The following GNAL variants were observed in gnomAD, a reference collection of about 807,000 sequenced individuals.
GNAL encodes the protein guanine nucleotide-binding protein G(olf) subunit alpha.
GNAL carries 18 observed loss-of-function variants against 55.1 expected under a neutral mutation model. That is an observed-to-expected ratio of 0.33 (90% CI 0.23 to 0.48). GNAL has a LOEUF of 0.48. GNAL is among the 20% of genes least tolerant of loss of function. GNAL has a pLI of 0.99. For synonymous variants in GNAL, 253 were observed against 237.0 expected, an observed-to-expected ratio of 1.07 and a Z score of -0.62; for missense variants, 412 against 614.1, an observed-to-expected ratio of 0.67 and a Z score of 3.48.
At chr18:11,730,151 A>G (rs1598415848) in intron 1 of GNAL, among the ~76,000 whole-genome samples, 1 of 147,450 alleles carries the variant, frequency 6.8e-6, no homozygotes. Context: ...CTCCTGCCTC[A>G]GCCTCCCACT....
At chr18:11,867,989 A>T (rs1235390629) in intron 8 of GNAL, among the ~76,000 whole-genome samples, 11 of 149,634 alleles carry the variant, frequency 7.4e-5, no homozygotes, top group Non-Finnish European at 1.6e-4. Flanking sequence ...GCCGGGTGTT[A>T]TGGCGCACAC....
intron 5 of GNAL, among the ~76,000 whole-genome samples, chr18:11,840,127 A>T (rs1238603076): frequency 2.0e-5 from 3 of 152,338 alleles, no homozygotes; most frequent in Non-Finnish European, 4.4e-5. Context: ...TGACTTAAGG[A>T]ACTCTCCACA....
intron 4 of GNAL, among the ~76,000 whole-genome samples, chr18:11,821,597 G>A (rs573205688): frequency 1.3e-5 from 2 of 152,182 alleles, no homozygotes; most frequent in Admixed American, 6.5e-5. Flanking sequence ...AAATGAGAAA[G>A]GGTATTGCGA....
Position 11,781,387 on chromosome 18 carries a change from A to G in GNAL, c.624+27442A>G, listed in dbSNP as rs2033920899. Among the ~76,000 whole-genome samples, 3 of 152,322 alleles carry G rather than the reference A, an allele frequency of 2.0e-5. No individual in the cohort carries two copies. The South Asian group carries it at 6.2e-4, about 32-fold the overall frequency. On this transcript the variant is annotated intron_variant, in intron 4 of 11. Transcript: ENST00000334049. ...ACCTTTGAAAATATAGAATTTCTGT[A>G]TCTTATAATAGATATGCACATTTAA...
intron 5 of GNAL, among the ~76,000 whole-genome samples, chr18:11,843,444 G>GA (rs1161249909): frequency 2.0e-4 from 31 of 152,130 alleles, no homozygotes; most frequent in Admixed American, 1.6e-3. Flanking sequence ...ATAATCACTT[G>GA]AAGCAGGGAG....
chr18:11,711,398 CTTTT>C (rs538267992), intron 1 of GNAL, among the ~76,000 whole-genome samples: 1 of 149,382 alleles, frequency 6.7e-6, no homozygotes, highest in East Asian at 2.0e-4. Context: ...ATTTTTCATT[CTTTT>C]TTTTTTCCTT....
intron 1 of GNAL, among the ~76,000 whole-genome samples, chr18:11,717,667 T>C (rs1394389454): frequency 6.6e-6 from 1 of 152,174 alleles, no homozygotes; most frequent in Non-Finnish European, 1.5e-5. Context: ...CTGGAATCCA[T>C]TATCCTTAGC....
intron 4 of GNAL, among the ~76,000 whole-genome samples, chr18:11,802,900 C>T (rs893972995): frequency 3.9e-5 from 6 of 151,952 alleles, no homozygotes; most frequent in African/African-American, 1.5e-4. Context: ...CTCTCGAGTT[C>T]GAGAGGTACC....
chr18:11,738,218 C>T (rs1325715469), intron 1 of GNAL, among the ~76,000 whole-genome samples: 2 of 152,208 alleles, frequency 1.3e-5, no homozygotes, highest in African/African-American at 4.8e-5. Context: ...CACCACCCAC[C>T]CCAAAAGTCC....
chr18:11,801,362 C>A (rs2034517457), intron 4 of GNAL, among the ~76,000 whole-genome samples: 1 of 152,094 alleles, frequency 6.6e-6, no homozygotes, highest in African/African-American at 2.4e-5. Flanking sequence ...ACCAGCCTCG[C>A]CAGCATGGTG....
intron 4 of GNAL, among the ~76,000 whole-genome samples, chr18:11,816,022 T>G (rs2034945992): frequency 6.6e-6 from 1 of 152,182 alleles, no homozygotes; most frequent in Non-Finnish European, 1.5e-5. Context: ...AACATTGCCC[T>G]TGACAATGCA....
At chr18:11,698,174 CA>C (rs2031466370) in intron 1 of GNAL, among the ~76,000 whole-genome samples, 1 of 152,088 alleles carries the variant, frequency 6.6e-6, no homozygotes, top group Admixed American at 6.5e-5. Context: ...CAGTGGCCAG[CA>C]GTGTCACTTG....
chr18:11,830,629 A>C lies in GNAL; in HGVS notation c.722+5614A>C, dbSNP rs552857689. Among the ~76,000 whole-genome samples, 6 of 152,292 alleles carry C rather than the reference A, an allele frequency of 3.9e-5. No individual in the cohort carries two copies. The East Asian group carries it at 1.2e-3, about 29-fold the overall frequency. On this transcript the variant is annotated intron_variant, in intron 5 of 11. Transcript: ENST00000334049. ...CCCAGCAATTCCACTCCTAGGTGTA[A>C]ACCCAAGAGAATTAAAAACATACCT...
chr18:11,860,027 C>T (rs928850683), intron 5 of GNAL, among the ~76,000 whole-genome samples: 7 of 152,190 alleles, frequency 4.6e-5, no homozygotes, highest in African/African-American at 7.2e-5. Context: ...GGATTAAAGG[C>T]GTGCACCACT....
At chr18:11,753,287 A>C (rs191931922) in intron 2 of GNAL, among the ~76,000 whole-genome samples, 5 of 152,276 alleles carry the variant, frequency 3.3e-5, no homozygotes, top group African/African-American at 9.6e-5. Flanking sequence ...TATCCATGGG[A>C]TAGATCTAGG....
intron 5 of GNAL, among the ~76,000 whole-genome samples, chr18:11,849,603 G>C (rs2035811948): frequency 6.6e-6 from 1 of 152,054 alleles, no homozygotes; most frequent in Non-Finnish European, 1.5e-5. Flanking sequence ...AGAAAAACCA[G>C]GACCTAAAAG....
At position 11,751,407 on chromosome 18, in the gene GNAL, G is replaced by A; in HGVS notation, c.377-1446G>A. ...TTGTGCTGCTTGGGAGCACTGCACA[G>A]GAGAAACGGGGGCTGGAGGTAAAGA... On this transcript the variant is annotated intron_variant, in intron 1 of 11. Coordinates refer to ENST00000334049, the MANE Select transcript of GNAL (RefSeq NM_182978.4). The surrounding 1 kb of genome is among the most constrained non-coding windows in gnomAD (Gnocchi z 4.5). 1.7e-6 allele frequency: 1 copy of A among 604,538 alleles called. No homozygotes were observed. The highest frequency in any genetic ancestry group is 2.1e-6 in the Non-Finnish European group (1 of 481,596). The allele number at this position is 604,538 out of a possible 1,614,324, so 37.4% of individuals were successfully genotyped here.
intron 4 of GNAL, among the ~76,000 whole-genome samples, chr18:11,796,088 C>T (rs73403525): frequency 0.064 from 9,702 of 152,194 alleles, 456 homozygotes; most frequent in African/African-American, 0.13. Flanking sequence ...AGTAACCATC[C>T]CTCCTTAACC....
chr18:11,878,903 C>CT (rs1165752794), intron 11 of GNAL, among the ~76,000 whole-genome samples: 1 of 150,072 alleles, frequency 6.7e-6, no homozygotes, highest in Non-Finnish European at 1.5e-5. Context: ...TACACACTTA[C>CT]TGTGTATGTG....
Sources: allele counts gnomAD v4.1 joint callset (sites outside exome capture counted in the v4.1 genomes callset), GRCh38; gene constraint gnomAD v4.1.1; non-coding constraint Gnocchi (gnomAD v3.1); transcripts MANE v1.5; gene names NCBI Gene and HGNC (gene_info 2026-07-23, HGNC 2026-07-21).